Variants in PLCXD3 observed in about 807,000 individuals in gnomAD.
PLCXD3 encodes the protein PI-PLC X domain-containing protein 3.
In PLCXD3, 19 loss-of-function variants were observed where a neutral mutation model predicts 25.5. That is an observed-to-expected ratio of 0.75 (90% confidence interval 0.52 to 1.09). The LOEUF (loss-of-function observed/expected upper bound fraction) is 1.09, where lower values mean the gene tolerates loss of function less well. PLCXD3 is among the 50% of genes least tolerant of loss of function. The pLI is 0.00. For synonymous variants in PLCXD3, 174 were observed against 137.6 expected, an observed-to-expected ratio of 1.26 and a Z score of -1.85; for missense variants, 411 against 388.1, an observed-to-expected ratio of 1.06 and a Z score of -0.50.
Position 41,340,142 on chromosome 5 carries a change from T to A in PLCXD3, c.813-26372A>T, listed in dbSNP as rs568849084. On this transcript the variant is annotated intron_variant, in intron 2 of 2. Transcript: ENST00000377801. ...GATGCTGCTCTCCTGGGTCCTTCTC[T>A]CAGCAGTGCCTCTTTTAGATAATCA... 7.9e-5 allele frequency among the ~76,000 whole-genome samples: 12 copies of A among 152,282 alleles called. No homozygotes were observed. The South Asian group carries it at 2.1e-3, about 26-fold the overall frequency.
chr5:41,408,960 A>G (rs1746436135), intron 1 of PLCXD3, among the ~76,000 whole-genome samples: 1 of 152,148 alleles, frequency 6.6e-6, no homozygotes, highest in South Asian at 2.1e-4. Flanking sequence ...TATTAACACT[A>G]TTGCCTTGGC....
chr5:41,488,892 T>C (rs997552547), intron 1 of PLCXD3, among the ~76,000 whole-genome samples: 1 of 151,342 alleles, frequency 6.6e-6, no homozygotes, highest in Non-Finnish European at 1.5e-5. Context: ...CTGTTCACTC[T>C]GATGGTAGTT....
intron 1 of PLCXD3, among the ~76,000 whole-genome samples, chr5:41,448,479 C>G (rs901975827): frequency 1.3e-5 from 2 of 152,126 alleles, no homozygotes; most frequent in African/African-American, 4.8e-5. Flanking sequence ...AATTAGAGAG[C>G]AAAATAAATC....
chr5:41,508,195 T>C (rs1220718670), intron 1 of PLCXD3, among the ~76,000 whole-genome samples: 5 of 152,198 alleles, frequency 3.3e-5, no homozygotes, highest in Non-Finnish European at 1.5e-5. Flanking sequence ...GGAAGCCCAA[T>C]GTCATCATCT....
In PLCXD3 at chr5:41,510,581, G is replaced by T; in HGVS notation, c.-55C>A. On this transcript the variant is annotated 5_prime_UTR_variant, in exon 1 of 3. The change creates a new upstream start codon in the 5' untranslated region. Transcript: ENST00000377801. ...CCAGCACTCCTCGGGCAGGCTGGCA[G>T]GCTGCTGCCGCTAATCCAATGTTTG... 7.1e-7 allele frequency: 1 copy of T among 1,400,580 alleles called. No homozygotes were observed. The highest frequency in any genetic ancestry group is 1.8e-5 in the Admixed American group (1 of 55,732). 86.8% of individuals were successfully genotyped at this position (1,400,580 alleles called of 1,614,324 possible).
intron 1 of PLCXD3, among the ~76,000 whole-genome samples, chr5:41,498,227 T>C (rs1427113442): frequency 6.6e-6 from 1 of 151,084 alleles, no homozygotes; most frequent in Non-Finnish European, 1.5e-5. Flanking sequence ...GAAACAGCAA[T>C]AGAAAAAATC....
chr5:41,323,387 A>G (rs937995888), intron 2 of PLCXD3, among the ~76,000 whole-genome samples: 1 of 152,246 alleles, frequency 6.6e-6, no homozygotes, highest in Non-Finnish European at 1.5e-5. Flanking sequence ...TTGCAACTCA[A>G]TGGGCAAATG....
chr5:41,362,162 T>G (rs962011270), intron 2 of PLCXD3, among the ~76,000 whole-genome samples: 1 of 152,228 alleles, frequency 6.6e-6, no homozygotes, highest in Non-Finnish European at 1.5e-5. Flanking sequence ...GTCCCTGAAT[T>G]TGGAAGTAGA....
chr5:41,334,696 T>G (rs1348045195), intron 2 of PLCXD3, among the ~76,000 whole-genome samples: 1 of 152,140 alleles, frequency 6.6e-6, no homozygotes, highest in Non-Finnish European at 1.5e-5. Context: ...TTATTTTTGT[T>G]GTGGCAAGGA....
At chr5:41,455,309 A>T (rs556468380) in intron 1 of PLCXD3, among the ~76,000 whole-genome samples, 1 of 152,036 alleles carries the variant, frequency 6.6e-6, no homozygotes, top group African/African-American at 2.4e-5. Context: ...ATAACTGAGG[A>T]TAATTGAGGA....
intron 2 of PLCXD3, among the ~76,000 whole-genome samples, chr5:41,336,475 T>C (rs140111817): frequency 6.6e-6 from 1 of 152,270 alleles, no homozygotes; most frequent in East Asian, 1.9e-4. Context: ...TGTAGTTACT[T>C]TCATTTTTTC....
intron 1 of PLCXD3, among the ~76,000 whole-genome samples, chr5:41,447,651 C>T (rs1416635437): frequency 6.6e-6 from 1 of 152,264 alleles, no homozygotes; most frequent in Non-Finnish European, 1.5e-5. Context: ...CATTTAATTG[C>T]CAAGATTGGG....
At chr5:41,458,918 C>T (rs953831696) in intron 1 of PLCXD3, among the ~76,000 whole-genome samples, 5 of 151,912 alleles carry the variant, frequency 3.3e-5, no homozygotes, top group African/African-American at 1.2e-4. Flanking sequence ...TTTAGCTGTA[C>T]ATTTTTAAAT....
At chr5:41,321,177 G>T (rs963813725) in intron 2 of PLCXD3, among the ~76,000 whole-genome samples, 1 of 152,158 alleles carries the variant, frequency 6.6e-6, no homozygotes, top group Non-Finnish European at 1.5e-5. Flanking sequence ...CAGATGATAT[G>T]ATCTTATATT....
chr5:41,484,389 T>C (rs1266909113), intron 1 of PLCXD3, among the ~76,000 whole-genome samples: 1 of 152,140 alleles, frequency 6.6e-6, no homozygotes, highest in African/African-American at 2.4e-5. Flanking sequence ...TGAGCAACTT[T>C]TTGCAAAGTG....
intron 1 of PLCXD3, among the ~76,000 whole-genome samples, chr5:41,423,003 AT>A (rs1375012164): frequency 1.3e-5 from 2 of 152,012 alleles, no homozygotes; most frequent in Non-Finnish European, 2.9e-5. Flanking sequence ...AAAAGTATTA[AT>A]TTTTTAAAAA....
intron 2 of PLCXD3, among the ~76,000 whole-genome samples, chr5:41,320,938 T>C (rs1019074813): frequency 3.3e-5 from 5 of 152,168 alleles, no homozygotes; most frequent in Admixed American, 1.3e-4. Flanking sequence ...GGAAATAGAA[T>C]GAACATATCT....
chr5:41,396,739 AGGT>A (rs2150498190), intron 1 of PLCXD3, among the ~76,000 whole-genome samples: 1 of 152,336 alleles, frequency 6.6e-6, no homozygotes, highest in East Asian at 1.9e-4. Context: ...GTCAAAGCTG[AGGT>A]GGTCTCAGAT....
chr5:41,440,215 A>ATTTTTGTTTT (rs1747350266), intron 1 of PLCXD3, among the ~76,000 whole-genome samples: 3 of 41,062 alleles, frequency 7.3e-5, no homozygotes, highest in African/African-American at 3.1e-4. Flanking sequence ...TAATCTCTCA[A>ATTTTTGTTTT]TTTTTTTTTT....
Sources: gnomAD v4.1 joint callset for allele counts (sites outside exome capture counted in the v4.1 genomes callset) on GRCh38, gnomAD v4.1.1 for gene constraint, MANE v1.5 for transcripts, NCBI Gene and HGNC (gene_info 2026-07-23, HGNC 2026-07-21) for gene names.